Variants in CDKL2 observed in about 807,000 individuals in gnomAD.
The protein encoded by CDKL2 is cyclin dependent kinase like 2.
A neutral mutation model predicts 63.9 loss-of-function variants in CDKL2; 64 were observed. That is an observed-to-expected ratio of 1.00 (90% confidence interval 0.82 to 1.23). The LOEUF is 1.23. Ranked by LOEUF, CDKL2 falls within the 50% of genes most tolerant of loss-of-function variation. The pLI, the probability that CDKL2 is intolerant of heterozygous loss-of-function variation, is 0.00. For missense variants in CDKL2, 656 were observed against 668.0 expected, an observed-to-expected ratio of 0.98 and a Z score of 0.20; for synonymous variants, 211 against 229.2, an observed-to-expected ratio of 0.92 and a Z score of 0.72.
At chr4:75,582,064 C>T (rs1434789497) in intron 12 of CDKL2, among the ~76,000 whole-genome samples, 166 bp from the exon 13 acceptor site, 2 of 152,134 alleles carry the variant, frequency 1.3e-5, no homozygotes, top group Non-Finnish European at 2.9e-5. Context: ...TGTTCTTTTC[C>T]TTTTCTTTAG....
chr4:75,620,472 G>A (rs1166350402), intron 2 of CDKL2, among the ~76,000 whole-genome samples: 1 of 152,140 alleles, frequency 6.6e-6, no homozygotes, highest in Non-Finnish European at 1.5e-5. Flanking sequence ...GGATAGAAAA[G>A]TATAATTACT....
chr4:75,623,638 A>G (rs1464312024), intron 2 of CDKL2, among the ~76,000 whole-genome samples: 1 of 152,232 alleles, frequency 6.6e-6, no homozygotes, highest in African/African-American at 2.4e-5. Flanking sequence ...CAATCCAAGT[A>G]ACAAAAGACA....
chr4:75,623,860 G>A (rs190686125), intron 2 of CDKL2, among the ~76,000 whole-genome samples: 158 of 152,240 alleles, frequency 1.0e-3, no homozygotes, highest in African/African-American at 3.6e-3. Context: ...GGGGCCAGGC[G>A]CGGTGGCTTA....
At chr4:75,622,048 T>G (rs1009360188) in intron 2 of CDKL2, among the ~76,000 whole-genome samples, 1 of 152,148 alleles carries the variant, frequency 6.6e-6, no homozygotes, top group African/African-American at 2.4e-5. Context: ...GATTTTTGCA[T>G]GTAAAAGTAC....
intron 5 of CDKL2, 78 bp downstream of exon 5, chr4:75,605,444 A>T (rs967548108): frequency 4.7e-6 from 4 of 844,168 alleles, no homozygotes; most frequent in Non-Finnish European, 7.7e-6. Flanking sequence ...GCAACAGCTT[A>T]AAAAATCACA....
At chr4:75,590,166 C>A (rs1002092812) in intron 12 of CDKL2, among the ~76,000 whole-genome samples, 3 of 151,576 alleles carry the variant, frequency 2.0e-5, no homozygotes, top group African/African-American at 7.3e-5. Flanking sequence ...AACCCTGTCT[C>A]AAAAAAAAGA....
In CDKL2 at chr4:75,596,955, A is replaced by G. The variant is rs779395214; in HGVS notation, c.1302T>C (p.Thr434=). Residue 434 remains threonine (T), a synonymous_variant, in exon 9 of 14, where the codon ACT becomes ACC. Coordinates refer to ENST00000307465, the MANE Select transcript of CDKL2 (RefSeq NM_001330724.2). The stretch of plus-strand genomic sequence containing the variant: ...CATACCTGTAACCCTGAATTGGTAT[A>G]GTCTCAGTCCCCATTCCAGAATTAA... ...PSINSGMGTE[T]IPIQGYRVDE... The G allele has an allele frequency of 1.9e-6, 3 of 1,613,730 alleles. No individual in the cohort carries two copies. The highest frequency in any genetic ancestry group is 2.5e-6 in the Non-Finnish European group (3 of 1,179,652).
At position 75,578,647 on chromosome 4, in the gene CDKL2, C is replaced by G. The variant is rs1728127462; in HGVS notation, c.*555G>C. 6.6e-6 allele frequency: 1 copy of G among 152,432 alleles called. No individual in the cohort carries two copies. Among genetic ancestry groups the G allele is most frequent in the African/African-American group, 2.4e-5 (1 of 41,444 alleles). 9.4% of individuals were successfully genotyped at this position (152,432 alleles called of 1,614,324 possible). On this transcript the variant is annotated 3_prime_UTR_variant, in exon 14 of 14. Transcript: ENST00000307465. Reference sequence around the variant, plus strand: ...CGTGTAAGATTGTTAAGTGTGTTTTCATAGTTAAATTCAGGTAAAGCAAAC... The same window carrying G: ...CGTGTAAGATTGTTAAGTGTGTTTTGATAGTTAAATTCAGGTAAAGCAAAC...
chr4:75,601,637 A>G (rs1047404188), intron 6 of CDKL2, among the ~76,000 whole-genome samples: 2 of 152,170 alleles, frequency 1.3e-5, no homozygotes, highest in Non-Finnish European at 2.9e-5. Context: ...GAAATTTTCC[A>G]TAATAAAATG....
Position 75,599,548 on chromosome 4 carries a change from CAAA to C in CDKL2, c.884+730_884+732del, listed in dbSNP as rs71657365. 5.7e-5 allele frequency among the ~76,000 whole-genome samples: 4 copies of C among 69,654 alleles called. 1 individual carries two copies. In the South Asian group the frequency reaches 3.0e-3, roughly 52 times the overall value. 45.7% of individuals were successfully genotyped at this position (69,654 alleles called of 152,430 possible). ...TGCACTCCAGCCTGGGCAACAAGAGCAAAAAAAAAAAAAAAAAAAAAAGAAACT... is the reference window on the plus strand; with the variant it reads ...TGCACTCCAGCCTGGGCAACAAGAGCAAAAAAAAAAAAAAAAAAAGAAACT... On this transcript the variant is annotated intron_variant, in intron 7 of 13. Coordinates refer to ENST00000307465, the MANE Select transcript of CDKL2 (RefSeq NM_001330724.2).
intron 3 of CDKL2, among the ~76,000 whole-genome samples, chr4:75,611,499 A>G (rs1729691907): frequency 6.6e-6 from 1 of 151,918 alleles, no homozygotes; most frequent in Non-Finnish European, 1.5e-5. Flanking sequence ...GGACTGGAAA[A>G]AAAGTAGTAT....
At chr4:75,617,873 C>A (rs1371837701) in intron 2 of CDKL2, among the ~76,000 whole-genome samples, 1 of 152,054 alleles carries the variant, frequency 6.6e-6, no homozygotes, top group South Asian at 2.1e-4. Context: ...GATGCCAAGG[C>A]GGACGGATCA....
intron 3 of CDKL2, among the ~76,000 whole-genome samples, chr4:75,612,562 T>C (rs1429836839): frequency 6.6e-6 from 1 of 152,122 alleles, no homozygotes; most frequent in East Asian, 1.9e-4. Context: ...ACTCCAAATA[T>C]TACAGGCCCA....
At chr4:75,592,125 G>A (rs1443737261) in intron 11 of CDKL2, 21 bp downstream of exon 11, 3 of 1,514,260 alleles carry the variant, frequency 2.0e-6, no homozygotes, top group Non-Finnish European at 2.6e-6. Context: ...ACTACACAAA[G>A]TAAAAGCATT....
At chr4:75,626,574 G>T (rs185893941) in intron 1 of CDKL2, among the ~76,000 whole-genome samples, 1 of 152,018 alleles carries the variant, frequency 6.6e-6, no homozygotes, top group East Asian at 1.9e-4. Flanking sequence ...GGCTGAGGCA[G>T]GAGAATGGCG....
At chr4:75,592,055 GTTAGTATGAATTTTTA>G in intron 11 of CDKL2, 75 bp downstream of exon 11, 1 of 1,345,714 alleles carries the variant, frequency 7.4e-7, no homozygotes, top group Non-Finnish European at 9.9e-7. Context: ...AATATGTAAA[GTTAGTATGAATTTTTA>G]TTTTTAAATT....
chr4:75,599,548 C>CAA (rs71657365), intron 7 of CDKL2, among the ~76,000 whole-genome samples: 10,350 of 69,460 alleles, frequency 0.15, 1,257 homozygotes, highest in South Asian at 0.32. Context: ...GCAACAAGAG[C>CAA]AAAAAAAAAA....
chr4:75,629,986 A>G (rs1277282142), intron 1 of CDKL2, 56 bp downstream of exon 1: 1 of 149,052 alleles, frequency 6.7e-6, no homozygotes, highest in Admixed American at 6.7e-5. Flanking sequence ...AAAGATTGAA[A>G]TCTTTTATAG....
intron 13 of CDKL2, among the ~76,000 whole-genome samples, chr4:75,581,486 A>T (rs1728258600): frequency 6.6e-6 from 1 of 152,218 alleles, no homozygotes; most frequent in African/African-American, 2.4e-5. Context: ...ATCTTGCTTT[A>T]CAGGCCCACA....
Sources: gnomAD v4.1 joint callset for allele counts (sites outside exome capture counted in the v4.1 genomes callset) on GRCh38, gnomAD v4.1.1 for gene constraint, MANE v1.5 for transcripts, NCBI Gene and HGNC (gene_info 2026-07-23, HGNC 2026-07-21) for gene names.